Variants in COL19A1 observed in about 807,000 individuals in gnomAD.
COL19A1 encodes collagen type XIX alpha 1 chain.
Under a neutral mutation model 190.2 loss-of-function variants are expected in COL19A1, and 159 were observed. That is an observed-to-expected ratio of 0.84 (90% CI 0.73 to 0.95). The LOEUF is 0.95. Ranked by LOEUF, COL19A1 falls within the 40% of genes least tolerant of loss-of-function variation. The probability of loss-of-function intolerance (pLI) is 0.00; values close to 1 mark genes in which losing one functional copy is unlikely to be tolerated. For synonymous variants in COL19A1, 509 were observed against 458.9 expected (o/e 1.11, Z -1.39); for missense variants, 1,418 against 1,431.9 (o/e 0.99, Z 0.16).
intron 1 of COL19A1, among the ~76,000 whole-genome samples, chr6:69,868,704 A>G (rs1359470461): frequency 1.3e-5 from 2 of 152,238 alleles, no homozygotes; most frequent in African/African-American, 2.4e-5. Flanking sequence ...CATCATCTCT[A>G]TATCTGAATC....
At chr6:70,109,541 A>AGTGTGTAT (rs1344993050) in intron 16 of COL19A1, among the ~76,000 whole-genome samples, 58 of 143,988 alleles carry the variant, frequency 4.0e-4, no homozygotes, top group African/African-American at 1.5e-3. Flanking sequence ...CCGTTTTGTA[A>AGTGTGTAT]GTGTGTGTGT....
chr6:69,982,247 AGTG>A (rs1260365596), intron 11 of COL19A1, among the ~76,000 whole-genome samples: 23 of 151,494 alleles, frequency 1.5e-4, no homozygotes, highest in African/African-American at 5.1e-4. Flanking sequence ...GCTGGAGTGC[AGTG>A]GCACAGTCTC....
chr6:69,989,288 C>T (rs569582921), intron 11 of COL19A1, among the ~76,000 whole-genome samples: 4 of 152,280 alleles, frequency 2.6e-5, no homozygotes, highest in Admixed American at 1.3e-4. Flanking sequence ...CCCTAACTTG[C>T]CCTTCGTGGT....
chr6:69,948,101 AC>A (rs920646108), intron 9 of COL19A1, among the ~76,000 whole-genome samples: 1 of 151,864 alleles, frequency 6.6e-6, no homozygotes, highest in Non-Finnish European at 1.5e-5. Context: ...TTTACCTTGT[AC>A]CCTTATTCTA....
chr6:70,166,801 T>G (rs1381235917), intron 37 of COL19A1, among the ~76,000 whole-genome samples: 2 of 152,220 alleles, frequency 1.3e-5, no homozygotes, highest in Non-Finnish European at 2.9e-5. Flanking sequence ...TGTTCATCTG[T>G]GTTACTGACC....
intron 1 of COL19A1, among the ~76,000 whole-genome samples, chr6:69,870,451 G>A (rs1022949594): frequency 1.3e-5 from 2 of 152,208 alleles, no homozygotes; most frequent in African/African-American, 4.8e-5. Flanking sequence ...TGAGCTACAC[G>A]TTGAAGGCAG....
chr6:70,077,894 C>T (rs928311239), intron 15 of COL19A1, among the ~76,000 whole-genome samples: 6 of 151,348 alleles, frequency 4.0e-5, no homozygotes, highest in African/African-American at 9.7e-5. Context: ...ATGAAAAGAG[C>T]AAGATATCAT....
chr6:70,097,651 T>A (rs1284522300), intron 15 of COL19A1, among the ~76,000 whole-genome samples: 1 of 152,208 alleles, frequency 6.6e-6, no homozygotes, highest in Admixed American at 6.5e-5. Flanking sequence ...TATTGTCTAA[T>A]AATCTCCACA....
intron 18 of COL19A1, among the ~76,000 whole-genome samples, chr6:70,133,074 ATTG>A (rs1785620853): frequency 6.6e-6 from 1 of 152,114 alleles, no homozygotes; most frequent in Admixed American, 6.5e-5. Context: ...TTGAGGATTA[ATTG>A]TTGTTCTCAT....
chr6:70,028,963 A>T (rs908326427), intron 12 of COL19A1, among the ~76,000 whole-genome samples: 5 of 152,174 alleles, frequency 3.3e-5, no homozygotes, highest in Non-Finnish European at 7.4e-5. Context: ...ATCTTAGAAA[A>T]GTAGACTTAA....
At chr6:70,102,498 A>C (rs182927812) in intron 16 of COL19A1, among the ~76,000 whole-genome samples, 1 of 152,306 alleles carries the variant, frequency 6.6e-6, no homozygotes, top group Admixed American at 6.5e-5. Context: ...CTGCTTGAAC[A>C]TCCCAAGCCA....
chr6:70,207,089 TG>T (rs1767920434), intron 50 of COL19A1, 57 bp from the exon 51 acceptor site: 1 of 1,603,402 alleles, frequency 6.2e-7, no homozygotes, highest in Admixed American at 1.7e-5. Context: ...GGCTAGAGGG[TG>T]GGAGAGAGGA....
At chr6:69,899,303 T>A (rs1351899802) in intron 3 of COL19A1, among the ~76,000 whole-genome samples, 2 of 152,030 alleles carry the variant, frequency 1.3e-5, no homozygotes, top group African/African-American at 4.8e-5. Context: ...TAGCTGGGAC[T>A]ACAGGCACAT....
intron 34 of COL19A1, among the ~76,000 whole-genome samples, chr6:70,157,380 T>A (rs950648745): frequency 2.6e-5 from 4 of 152,148 alleles, no homozygotes; most frequent in African/African-American, 9.7e-5. Flanking sequence ...ATAATTCACA[T>A]TAACTCTTAG....
chr6:70,152,603 C>A (rs1787135640), intron 31 of COL19A1, among the ~76,000 whole-genome samples: 2 of 152,064 alleles, frequency 1.3e-5, no homozygotes, highest in African/African-American at 4.8e-5. Flanking sequence ...CTTATATCAT[C>A]TTATTTAATT....
rs116183268 is a variant in COL19A1 at position 70,053,786 on chromosome 6, C to A, written c.1171-14637C>A. Reference sequence around the variant, plus strand: ...CAGCATATATTTTTCCATTTAACACCCACAAATTGTGAATAAATAAACAAT... The same window carrying A: ...CAGCATATATTTTTCCATTTAACACACACAAATTGTGAATAAATAAACAAT... On this transcript the variant is annotated intron_variant, in intron 14 of 50. Transcript: ENST00000620364. Among the ~76,000 whole-genome samples the A allele has an allele frequency of 1.1e-3, 174 of 152,046 alleles. 1 individual carries two copies. The highest frequency in any genetic ancestry group is 4.0e-3 in the African/African-American group (167 of 41,472).
intron 11 of COL19A1, among the ~76,000 whole-genome samples, chr6:69,986,308 A>T (rs1776315800): frequency 6.7e-6 from 1 of 149,954 alleles, no homozygotes; most frequent in South Asian, 2.1e-4. Context: ...AATGTGAGGG[A>T]TTATATGTTT....
intron 14 of COL19A1, among the ~76,000 whole-genome samples, chr6:70,067,143 G>A (rs900023690): frequency 1.6e-4 from 25 of 152,144 alleles, no homozygotes; most frequent in African/African-American, 5.5e-4. Flanking sequence ...CTGAAACAAG[G>A]CATTGTCTCC....
intron 24 of COL19A1, 53 bp downstream of exon 24, chr6:70,144,316 CAG>C (rs58591338): frequency 0.44 from 637,828 of 1,464,258 alleles, 142,346 homozygotes; most frequent in African/African-American, 0.57. Context: ...GAGGAAGAGA[CAG>C]AGGATCATAA....
Sources: gnomAD v4.1 joint callset for allele counts (sites outside exome capture counted in the v4.1 genomes callset) on GRCh38, gnomAD v4.1.1 for gene constraint, MANE v1.5 for transcripts, NCBI Gene and HGNC (gene_info 2026-07-23, HGNC 2026-07-21) for gene names.